The following LYST variants were observed in gnomAD, a reference collection of about 807,000 sequenced individuals.
The protein encoded by LYST is lysosomal-trafficking regulator.
In LYST, 192 loss-of-function variants were observed where a neutral mutation model predicts 413.6. The ratio of observed to expected loss-of-function variants is 0.46; its 90% CI spans 0.41 to 0.52. The LOEUF is 0.52. LYST is among the 20% of genes least tolerant of loss of function. LYST has a pLI of 0.00. For synonymous variants in LYST, 1,525 were observed against 1,567.3 expected, an observed-to-expected ratio of 0.97 and a Z score of 0.64; for missense variants, 3,815 against 4,499.9, an observed-to-expected ratio of 0.85 and a Z score of 4.35.
intron 11 of LYST, among the ~76,000 whole-genome samples, chr1:235,792,465 C>A (rs865806773): frequency 6.6e-6 from 1 of 151,838 alleles, no homozygotes; most frequent in South Asian, 2.1e-4. Context: ...CAGGCACCCA[C>A]CACCACCCCC....
chr1:235,815,011 A>G (rs1673896771), intron 3 of LYST, among the ~76,000 whole-genome samples: 1 of 152,014 alleles, frequency 6.6e-6, no homozygotes, highest in Non-Finnish European at 1.5e-5. Context: ...CCATCTGCCA[A>G]ACTGCAACTC....
rs955945188 is a variant in LYST at position 235,661,405 on chromosome 1, C to T, written c.*1535G>A. 6.6e-6 allele frequency: 1 copy of T among 152,312 alleles called. No individual in the cohort carries two copies. The highest frequency in any genetic ancestry group is 2.4e-5 in the African/African-American group (1 of 41,414). 9.4% of individuals were successfully genotyped at this position (152,312 alleles called of 1,614,324 possible). ...GCAATTTTTTGTTAACAAAGCAAATCACTTCAACGTGAATAGGAGTAATCT... is the reference window on the plus strand; with the variant it reads ...GCAATTTTTTGTTAACAAAGCAAATTACTTCAACGTGAATAGGAGTAATCT... On this transcript the variant is annotated 3_prime_UTR_variant, in exon 53 of 53. Transcript: ENST00000389793.
chr1:235,713,447 T>G (rs1662570992), intron 42 of LYST, among the ~76,000 whole-genome samples: 1 of 152,226 alleles, frequency 6.6e-6, no homozygotes, highest in Admixed American at 6.5e-5. Context: ...GATTTTAAGA[T>G]TCTCTGTATT....
In LYST at chr1:235,802,942, TTCACTA is replaced by T; in HGVS notation, c.3672_3677del (p.Asp1224_Ser1225del). 1 of 1,613,662 alleles carries T rather than the reference TTCACTA, an allele frequency of 6.2e-7. No individual in the cohort carries two copies. The highest frequency in any genetic ancestry group is 8.5e-7 in the Non-Finnish European group (1 of 1,179,824). On this transcript the variant is annotated inframe_deletion, in exon 8 of 53. Transcript: ENST00000389793. ...GGGTTTCGCCATCTTCAGGATTGCT[TTCACTA>T]TCTGCTTCGTAACCTTCTTCTTCAA...
intron 41 of LYST, among the ~76,000 whole-genome samples, chr1:235,716,204 A>G (rs1662825424): frequency 3.3e-5 from 5 of 152,226 alleles, no homozygotes; most frequent in Admixed American, 3.3e-4. Context: ...ATGCGTAGCT[A>G]TTGTGATTTT....
At position 235,662,639 on chromosome 1, in the gene LYST, T is replaced by C. The variant is rs1224100781; in HGVS notation, c.*301A>G. The C allele has an allele frequency of 2.5e-6, 1 of 393,838 alleles. No homozygotes were observed. The highest frequency in any genetic ancestry group is 5.8e-5 in the East Asian group (1 of 17,218). The allele number at this position is 393,838 out of a possible 1,614,324, so 24.4% of individuals were successfully genotyped here. A position where few individuals can be genotyped will look rare whatever the true frequency, so the allele number is the denominator to read the frequency against. ...AAAAAGGGGAGACCTTAATATTTTC[T>C]TTGGAATACCTTGGTGGGAAAAAAT... On this transcript the variant is annotated 3_prime_UTR_variant, in exon 53 of 53. Transcript: ENST00000389793.
chr1:235,772,733 T>C (rs1260106936), intron 19 of LYST, among the ~76,000 whole-genome samples: 1 of 152,142 alleles, frequency 6.6e-6, no homozygotes, highest in East Asian at 1.9e-4. Context: ...GTTAGAAGTG[T>C]ATCCATTTCC....
At position 235,699,828 on chromosome 1, in the gene LYST, A is replaced by C. The variant is rs573813851; in HGVS notation, c.10375-2556T>G. Among the ~76,000 whole-genome samples, 8 of 152,276 alleles carry C rather than the reference A, an allele frequency of 5.3e-5. No homozygotes were observed. The East Asian group carries it at 1.4e-3, about 26-fold the overall frequency. On this transcript the variant is annotated intron_variant, in intron 45 of 52. Transcript: ENST00000389793. The stretch of plus-strand genomic sequence containing the variant: ...TTTGATTTGCATTTCTCTAATGATC[A>C]GTGATCCTGAGCTTTTTTCCAACAG...
At chr1:235,759,950 T>C (rs1175461880) in intron 22 of LYST, among the ~76,000 whole-genome samples, 2 of 152,160 alleles carry the variant, frequency 1.3e-5, no homozygotes, top group African/African-American at 4.8e-5. Context: ...AAACTATTTT[T>C]ATTTTAACCA....
intron 5 of LYST, among the ~76,000 whole-genome samples, 155 bp downstream of exon 5, chr1:235,808,300 A>G (rs1673084780): frequency 2.6e-5 from 4 of 152,248 alleles, no homozygotes; most frequent in Admixed American, 1.3e-4. Flanking sequence ...AAGAATAAAG[A>G]GTAAATACGA....
chr1:235,801,126 G>C lies in LYST; in HGVS notation c.3713-29C>G, dbSNP rs779141199. 45 of 1,326,056 alleles carry C rather than the reference G, an allele frequency of 3.4e-5. No individual in the cohort carries two copies. In the South Asian group the frequency reaches 5.3e-4, roughly 16 times the overall value. 82.1% of individuals were successfully genotyped at this position (1,326,056 alleles called of 1,614,324 possible). A position where few individuals can be genotyped will look rare whatever the true frequency, so the allele number is the denominator to read the frequency against. On this transcript the variant is annotated intron_variant, in intron 8 of 52. Transcript: ENST00000389793. ...AAAAGAGAAAAGCGAAAGATTACTTGTATTCCCTAAACACTAAATATTTCA... is the reference window on the plus strand; with the variant it reads ...AAAAGAGAAAAGCGAAAGATTACTTCTATTCCCTAAACACTAAATATTTCA...
intron 8 of LYST, among the ~76,000 whole-genome samples, chr1:235,802,151 G>A (rs1271885792): frequency 2.4e-5 from 3 of 126,892 alleles, no homozygotes; most frequent in Non-Finnish European, 4.7e-5. Context: ...TCGAGATCAC[G>A]CCACTGCACT....
chr1:235,697,128 A>C lies in LYST; in HGVS notation c.10519T>G (p.Leu3507Val). 6.2e-7 allele frequency: 1 copy of C among 1,614,226 alleles called. No homozygotes were observed. Among genetic ancestry groups the C allele is most frequent in the Non-Finnish European group, 8.5e-7 (1 of 1,180,030 alleles). The change falls in exon 46 of 53, where the codon TTG becomes GTG. Residue 3507 changes from leucine to valine, a missense_variant. Leu to Val is a conservative substitution (Grantham distance 32, BLOSUM62 1). Transcript: ENST00000389793. The part of the protein sequence containing the change: ...QALPTRAICG[L>V]SRNFCLLMTY... Reference sequence around the variant, plus strand: ...ATCAGAAGACAGAAATTCCGTGACAAACCACAGATTGCTCTGGTGGGCAGA... The same window carrying C: ...ATCAGAAGACAGAAATTCCGTGACACACCACAGATTGCTCTGGTGGGCAGA...
intron 1 of LYST, among the ~76,000 whole-genome samples, chr1:235,860,472 G>A (rs760609781): frequency 1.3e-5 from 2 of 152,084 alleles, no homozygotes; most frequent in Non-Finnish European, 2.9e-5. Context: ...TAGTTTCACC[G>A]CCCTAAAAAT....
chr1:235,859,904 T>C (rs1383818761), intron 1 of LYST, among the ~76,000 whole-genome samples: 1 of 152,228 alleles, frequency 6.6e-6, no homozygotes, highest in Non-Finnish European at 1.5e-5. Flanking sequence ...AAGAGTATCA[T>C]ACAAATACTA....
intron 3 of LYST, among the ~76,000 whole-genome samples, chr1:235,815,631 T>C (rs1673969565): frequency 6.6e-6 from 1 of 152,120 alleles, no homozygotes; most frequent in African/African-American, 2.4e-5. Context: ...GGCATTTCCA[T>C]ACATCGACAA....
intron 4 of LYST, among the ~76,000 whole-genome samples, chr1:235,812,436 G>C (rs1397297506): frequency 6.6e-6 from 1 of 151,652 alleles, no homozygotes; most frequent in Non-Finnish European, 1.5e-5. Context: ...GAACTCGGGA[G>C]GCTGAGGTTG....
chr1:235,731,441 T>A (rs1223185046), intron 34 of LYST, among the ~76,000 whole-genome samples: 1 of 152,200 alleles, frequency 6.6e-6, no homozygotes, highest in Non-Finnish European at 1.5e-5. Flanking sequence ...TTAAATTTTT[T>A]AAAAGATATG....
At chr1:235,763,047 T>C (rs778064628) in intron 21 of LYST, among the ~76,000 whole-genome samples, 196 bp from the exon 22 acceptor site, 12 of 152,228 alleles carry the variant, frequency 7.9e-5, no homozygotes, top group East Asian at 5.8e-4. Flanking sequence ...GATTTTGCTG[T>C]TGTTTATTAT....
Sources: allele counts gnomAD v4.1 joint callset (sites outside exome capture counted in the v4.1 genomes callset), GRCh38; gene constraint gnomAD v4.1.1; transcripts MANE v1.5; gene names NCBI Gene and HGNC (gene_info 2026-07-23, HGNC 2026-07-21).